NOS1: variants seen among roughly 807,000 people sequenced by gnomAD.
NOS1 encodes the protein nitric oxide synthase 1.
In NOS1, 51 loss-of-function variants were observed where a neutral mutation model predicts 164.5. The observed-to-expected ratio is 0.31, with a 90% CI of 0.25 to 0.39. The LOEUF (loss-of-function observed/expected upper bound fraction) is 0.39. NOS1 is among the 10% of genes least tolerant of loss of function. NOS1 has a pLI of 1.00. For missense variants in NOS1, 1,362 were observed against 1,885.6 expected (o/e 0.72, Z 5.14); for synonymous variants, 719 against 745.8 (o/e 0.96, Z 0.59).
At position 117,304,044 on chromosome 12, in the gene NOS1, C is replaced by T. The variant is rs146101640; in HGVS notation, c.852+7422G>A. ...AAAATTAGCCGGGCGTGGCGGCGTG[C>T]GCCTGTAGTCCCAGCTGCTGGGGAG... is the stretch of plus-strand genomic sequence containing the variant. On this transcript the variant is annotated intron_variant, in intron 3 of 28. Coordinates refer to ENST00000317775, the MANE Select transcript of NOS1 (RefSeq NM_000620.5). Among the ~76,000 whole-genome samples the T allele has an allele frequency of 7.4e-3, 1,120 of 152,188 alleles. 19 individuals carry two copies. Among genetic ancestry groups the T allele is most frequent in the African/African-American group, 0.026 (1,061 of 41,528 alleles).
intron 12 of NOS1, among the ~76,000 whole-genome samples, chr12:117,264,458 TTCTTTATTTTC>T (rs1026687400): frequency 8.8e-4 from 91 of 103,354 alleles, no homozygotes; most frequent in African/African-American, 5.2e-3. Flanking sequence ...TTTATTTTCT[TTCTTTATTTTC>T]TTTCTTTCTT....
chr12:117,286,225 T>A lies in NOS1; in HGVS notation c.1169A>T (p.Asn390Ile). The A allele has an allele frequency of 6.2e-7, 1 of 1,614,042 alleles. No homozygotes were observed. The highest frequency in any genetic ancestry group is 1.7e-5 in the Admixed American group (1 of 60,004). ...KAHMERLEEV[N>I]KEIDTTSTYQ... ...AGTGCTAGTGGTGTCGATCTCTTTG[T>A]TCACCTCTTCCAGCCTTTCCATGTG... The change falls in exon 6 of 29, where the codon AAC (asparagine) becomes ATC (isoleucine). Residue 390 changes from asparagine (N) to isoleucine (I), a missense_variant. Coordinates refer to ENST00000317775, the MANE Select transcript of NOS1 (RefSeq NM_000620.5).
intron 2 of NOS1, among the ~76,000 whole-genome samples, chr12:117,318,993 G>C (rs3782213): frequency 0.024 from 3,691 of 152,288 alleles, 124 homozygotes; most frequent in East Asian, 0.072. Flanking sequence ...TCTCTGCAAA[G>C]CTTTTCTTCT....
chr12:117,259,224 G>T, intron 14 of NOS1, 94 bp from the exon 15 acceptor site: 1 of 792,356 alleles, frequency 1.3e-6, no homozygotes, highest in Non-Finnish European at 2.1e-6. Flanking sequence ...TGGGGGAAGG[G>T]CAAGAGGAGA....
intron 1 of NOS1, among the ~76,000 whole-genome samples, chr12:117,353,255 TCTAC>T (rs890952373): frequency 2.0e-5 from 3 of 151,938 alleles, no homozygotes; most frequent in Non-Finnish European, 4.4e-5. Flanking sequence ...CAATCATCTA[TCTAC>T]CTACCTATTC....
At chr12:117,298,746 C>G (rs975034953) in intron 3 of NOS1, among the ~76,000 whole-genome samples, 2 of 152,102 alleles carry the variant, frequency 1.3e-5, no homozygotes, top group African/African-American at 4.8e-5. Context: ...CTTCTCCCTC[C>G]CAGCCCTCGG....
chr12:117,223,727 T>C (rs1445190950), intron 25 of NOS1, among the ~76,000 whole-genome samples: 1 of 152,118 alleles, frequency 6.6e-6, no homozygotes, highest in East Asian at 1.9e-4. Context: ...CTATCTCGGC[T>C]CACTGCAACC....
intron 2 of NOS1, among the ~76,000 whole-genome samples, chr12:117,320,938 G>A (rs1020372959): frequency 2.6e-5 from 4 of 152,042 alleles, no homozygotes; most frequent in African/African-American, 9.7e-5. Context: ...CAAACCCCAA[G>A]CCCCTTTTCT....
chr12:117,306,302 G>A (rs925799079), intron 3 of NOS1, among the ~76,000 whole-genome samples: 9 of 152,054 alleles, frequency 5.9e-5, no homozygotes, highest in Admixed American at 3.9e-4. Flanking sequence ...CCTTCTCCAA[G>A]CAAACGGAAT....
At position 117,225,023 on chromosome 12, in the gene NOS1, T is replaced by C. The variant is rs779082106; in HGVS notation, c.3819A>G (p.Gln1273=). Residue 1273 remains glutamine (Q), a synonymous_variant, in exon 25 of 29, where the codon CAA becomes CAG. Coordinates refer to ENST00000317775, the MANE Select transcript of NOS1 (RefSeq NM_000620.5). ...CACTGGACTGTAACCCACCTTTGTG[T>C]TGGATATCAAATTGCCGCTGTTGCC... ...SFWQQRQFDI[Q]HKGMNPCPMV... The C allele has an allele frequency of 1.9e-6, 3 of 1,614,068 alleles. No individual in the cohort carries two copies. The highest frequency in any genetic ancestry group is 3.3e-5 in the Admixed American group (2 of 60,016).
chr12:117,256,152 T>C (rs1159580638), intron 16 of NOS1: 1 of 494,602 alleles, frequency 2.0e-6, no homozygotes, highest in Admixed American at 3.9e-5. Flanking sequence ...GAGTGAGGAC[T>C]AAGATGCTGG....
In NOS1 at chr12:117,330,193, G is replaced by T; in HGVS notation, c.725+152C>A. 8.0e-7 allele frequency: 1 copy of T among 1,243,108 alleles called. No homozygotes were observed. Among genetic ancestry groups the T allele is most frequent in the Non-Finnish European group, 1.1e-6 (1 of 941,902 alleles). The allele number at this position is 1,243,108 out of a possible 1,614,324, so 77.0% of individuals were successfully genotyped here. A position where few individuals can be genotyped will look rare whatever the true frequency, so the allele number is the denominator to read the frequency against. On this transcript the variant is annotated intron_variant, in intron 2 of 28. Transcript: ENST00000317775. The surrounding 1 kb of genome is among the most constrained non-coding windows in gnomAD (Gnocchi z 4.6). The stretch of plus-strand genomic sequence containing the variant: ...GAATGTAATTTTAAGTGAAGATCAA[G>T]GGGGCCGTCAAGTGGTTATGCAAAA...
At chr12:117,264,498 TTCTC>T (rs146206441) in intron 12 of NOS1, among the ~76,000 whole-genome samples, 5,253 of 150,494 alleles carry the variant, frequency 0.035, 309 homozygotes, top group African/African-American at 0.12. Context: ...TTCTCTTTCT[TTCTC>T]TCTCTCTCTC....
At position 117,322,927 on chromosome 12, in the gene NOS1, G is replaced by C. The variant is rs548013651; in HGVS notation, c.725+7418C>G. 7.6e-5 allele frequency among the ~76,000 whole-genome samples: 11 copies of C among 145,100 alleles called. 1 individual carries two copies. The South Asian group carries it at 2.5e-3, about 34-fold the overall frequency. On this transcript the variant is annotated intron_variant, in intron 2 of 28. Coordinates refer to ENST00000317775, the MANE Select transcript of NOS1 (RefSeq NM_000620.5). ...TCCCTCCTCTAAGGCCTACCCTGGG[G>C]TCAAGCTTGGAACTAAATGATGGGG...
chr12:117,312,137 C>T (rs1189103648), intron 2 of NOS1, among the ~76,000 whole-genome samples: 1 of 152,138 alleles, frequency 6.6e-6, no homozygotes, highest in Non-Finnish European at 1.5e-5. Flanking sequence ...ATAAAGGGAA[C>T]ATAATGACAA....
At chr12:117,273,931 A>G (rs1352612592) in intron 9 of NOS1, among the ~76,000 whole-genome samples, 1 of 152,162 alleles carries the variant, frequency 6.6e-6, no homozygotes, top group Non-Finnish European at 1.5e-5. Context: ...ATAAGACCTC[A>G]AAAGCCCAGG....
chr12:117,272,864 C>G lies in NOS1; in HGVS notation c.1665-305G>C, dbSNP rs1213803555. ...AGTCCAGGAGAAAGTGTGGGGACCT[C>G]TCTCCCCCTTCCCCGACTGAGCACC... is the stretch of plus-strand genomic sequence containing the variant. On this transcript the variant is annotated intron_variant, in intron 9 of 28. Transcript: ENST00000317775. The surrounding 1 kb of genome is among the most constrained non-coding windows in gnomAD (Gnocchi z 4.3). 6.6e-6 allele frequency among the ~76,000 whole-genome samples: 1 copy of G among 152,202 alleles called. No individual in the cohort carries two copies. The highest frequency in any genetic ancestry group is 2.4e-5 in the African/African-American group (1 of 41,446).
Position 117,311,530 on chromosome 12 carries a change from T to C in NOS1, c.788A>G (p.Asn263Ser), listed in dbSNP as rs375497770. Residue 263 changes from asparagine to serine, a missense_variant, in exon 3 of 29, where the codon AAT (asparagine) becomes AGT (serine). This residue lies in a region of NOS1 where 362 missense variants were observed against 402.0 expected (regional missense o/e 0.90). Coordinates refer to ENST00000317775, the MANE Select transcript of NOS1 (RefSeq NM_000620.5). The stretch of plus-strand genomic sequence containing the variant: ...CACATTGCCCTTCCCCCATAGGTCA[T>C]TGAAGACTCGGTCGTTCTCCACGCC... ...PLGVENDRVF[N>S]DLWGKGNVPV... The C allele has an allele frequency of 6.1e-5, 99 of 1,612,688 alleles. No individual in the cohort carries two copies. Among genetic ancestry groups the C allele is most frequent in the Admixed American group, 5.9e-4 (35 of 59,814 alleles).
At chr12:117,240,553 G>A (rs1566034805) in intron 20 of NOS1, among the ~76,000 whole-genome samples, 1 of 152,222 alleles carries the variant, frequency 6.6e-6, no homozygotes, top group Non-Finnish European at 1.5e-5. Flanking sequence ...AGATAACCGG[G>A]TCGGTGTGAC....
Sources: allele counts gnomAD v4.1 joint callset (sites outside exome capture counted in the v4.1 genomes callset), GRCh38; gene constraint gnomAD v4.1.1; regional missense constraint gnomAD v4.1.1; non-coding constraint Gnocchi (gnomAD v3.1); transcripts MANE v1.5; gene names NCBI Gene and HGNC (gene_info 2026-07-23, HGNC 2026-07-21).